Variants in CACNG4 observed in about 807,000 individuals in gnomAD.
CACNG4 encodes the protein calcium voltage-gated channel auxiliary subunit gamma 4.
Under a neutral mutation model 22.9 loss-of-function variants are expected in CACNG4, and 8 were observed. The ratio of observed to expected loss-of-function variants is 0.35; its 90% CI spans 0.21 to 0.63. CACNG4 has a LOEUF of 0.63. CACNG4 is among the 30% of genes least tolerant of loss of function. The pLI is 0.72. For missense variants in CACNG4, 357 were observed against 455.4 expected (o/e 0.78, Z 1.97); for synonymous variants, 188 against 191.9 (o/e 0.98, Z 0.17).
At position 67,032,148 on chromosome 17, in the gene CACNG4, C is replaced by T. The variant is rs551100972; in HGVS notation, c.*1144C>T. On this transcript the variant is annotated 3_prime_UTR_variant, in exon 4 of 4. Coordinates refer to ENST00000262138, the MANE Select transcript of CACNG4 (RefSeq NM_014405.4). Reference sequence around the variant, plus strand: ...GTTATTCTGCCACCACCTAACAGGACGGAGTGGAGTGAGTTTGGATAAACG... The same window carrying T: ...GTTATTCTGCCACCACCTAACAGGATGGAGTGGAGTGAGTTTGGATAAACG... The T allele has an allele frequency of 6.3e-5, 24 of 379,778 alleles. No individual in the cohort carries two copies. The highest frequency in any genetic ancestry group is 2.9e-4 in the East Asian group (4 of 13,958). The allele number at this position is 379,778 out of a possible 1,614,324, so 23.5% of individuals were successfully genotyped here.
At chr17:66,989,936 G>T (rs1229937797) in intron 1 of CACNG4, among the ~76,000 whole-genome samples, 1 of 152,108 alleles carries the variant, frequency 6.6e-6, no homozygotes, top group Non-Finnish European at 1.5e-5. Context: ...AGGCTGGACT[G>T]GGGTCCTGAA....
chr17:66,979,151 T>A (rs1387409609), intron 1 of CACNG4, among the ~76,000 whole-genome samples: 1 of 152,230 alleles, frequency 6.6e-6, no homozygotes, highest in East Asian at 1.9e-4. Context: ...TGTGTGAGCA[T>A]CCTCTGCAAC....
chr17:66,986,678 A>G (rs1179983359), intron 1 of CACNG4, among the ~76,000 whole-genome samples: 2 of 152,162 alleles, frequency 1.3e-5, no homozygotes, highest in East Asian at 1.9e-4. Context: ...ACTATCTCCA[A>G]TTTACAGAGA....
At chr17:67,009,857 G>T (rs112059534) in intron 1 of CACNG4, among the ~76,000 whole-genome samples, 3 of 152,242 alleles carry the variant, frequency 2.0e-5, no homozygotes, top group African/African-American at 7.2e-5. Context: ...TCACCTCAGG[G>T]TTAGGAGTTC....
chr17:66,981,578 C>T (rs939560996), intron 1 of CACNG4, among the ~76,000 whole-genome samples: 2 of 152,174 alleles, frequency 1.3e-5, no homozygotes, highest in East Asian at 1.9e-4. Flanking sequence ...GTGCTGGGGC[C>T]GAGAGAACCA....
intron 1 of CACNG4, among the ~76,000 whole-genome samples, chr17:67,009,134 C>A (rs2035453776): frequency 6.6e-6 from 1 of 152,104 alleles, no homozygotes; most frequent in South Asian, 2.1e-4. Context: ...ACACCAGAAG[C>A]AAGGCAGAGT....
chr17:67,028,275 C>T (rs1173734025), intron 3 of CACNG4, among the ~76,000 whole-genome samples: 2 of 151,720 alleles, frequency 1.3e-5, no homozygotes, highest in Non-Finnish European at 2.9e-5. Context: ...CGCAATGGGC[C>T]GGGCACGGTG....
chr17:66,996,563 TAG>T (rs1236854394), intron 1 of CACNG4, among the ~76,000 whole-genome samples: 1 of 151,934 alleles, frequency 6.6e-6, no homozygotes, highest in Non-Finnish European at 1.5e-5. Flanking sequence ...TATTTTTTGG[TAG>T]AGACAGGGTT....
chr17:67,023,006 C>T (rs924621933), intron 2 of CACNG4, among the ~76,000 whole-genome samples: 5 of 152,180 alleles, frequency 3.3e-5, no homozygotes, highest in South Asian at 2.1e-4. Flanking sequence ...GCCAGAAGCC[C>T]GAAGTCAAGG....
In CACNG4 at chr17:67,031,115, G is replaced by A; in HGVS notation, c.*111G>A. ...GAACAATGAACTAAAGCCAAATGCAGCCCTCCCTGGCCTCCAGAGGTGGCG... is the reference window on the plus strand; with the variant it reads ...GAACAATGAACTAAAGCCAAATGCAACCCTCCCTGGCCTCCAGAGGTGGCG... On this transcript the variant is annotated 3_prime_UTR_variant, in exon 4 of 4. Coordinates refer to ENST00000262138, the MANE Select transcript of CACNG4 (RefSeq NM_014405.4). This position sits in a 1 kb window ranked among gnomAD's most constrained non-coding sequence, Gnocchi z 4.0. 2 of 1,188,800 alleles carry A rather than the reference G, an allele frequency of 1.7e-6. No homozygotes were observed. The highest frequency in any genetic ancestry group is 2.4e-6 in the Non-Finnish European group (2 of 844,654). The allele number at this position is 1,188,800 out of a possible 1,614,324, so 73.6% of individuals were successfully genotyped here.
intron 1 of CACNG4, among the ~76,000 whole-genome samples, chr17:66,979,612 T>G (rs2035258885): frequency 6.6e-6 from 1 of 152,152 alleles, no homozygotes; most frequent in Non-Finnish European, 1.5e-5. Context: ...CCTTCTTCTT[T>G]CGAACTTCTG....
chr17:67,005,225 A>G (rs2035430758), intron 1 of CACNG4, among the ~76,000 whole-genome samples: 1 of 152,184 alleles, frequency 6.6e-6, no homozygotes, highest in South Asian at 2.1e-4. Context: ...TACACTTCCA[A>G]GAGAACCTCT....
At chr17:66,980,344 A>T (rs2035264108) in intron 1 of CACNG4, among the ~76,000 whole-genome samples, 2 of 152,220 alleles carry the variant, frequency 1.3e-5, no homozygotes, top group South Asian at 4.1e-4. Context: ...AACCTTTATC[A>T]CATGTGTAAA....
intron 1 of CACNG4, among the ~76,000 whole-genome samples, chr17:66,975,550 C>T (rs923599880): frequency 2.0e-5 from 3 of 152,196 alleles, no homozygotes. Flanking sequence ...GAAAATACCC[C>T]TTCTCGTGCC....
chr17:67,024,914 TG>T lies in CACNG4; in HGVS notation c.362del (p.Gly121ValfsTer83). 6.2e-7 allele frequency: 1 copy of T among 1,606,118 alleles called. No homozygotes were observed. ...ATCCTCAGCACCATCCTGCTCCTGC[TG>T]GGTGGCCTGTGCATCGGTGCTGGCA... Reference protein sequence around the residue: ...FPILSTILLLLGGLCIGAGRI... With the variant: ...FPILSTILLLXGGLCIGAGRI... On this transcript the variant is annotated frameshift_variant, in exon 3 of 4. Transcript: ENST00000262138. LOFTEE classifies it high-confidence loss of function.
At chr17:66,968,113 G>A (rs2035181524) in intron 1 of CACNG4, among the ~76,000 whole-genome samples, 2 of 152,146 alleles carry the variant, frequency 1.3e-5, no homozygotes, top group Non-Finnish European at 2.9e-5. Flanking sequence ...GAGCCAGGGA[G>A]GTGCAGAGAG....
At chr17:67,025,136 T>A in intron 3 of CACNG4, 136 bp downstream of exon 3, 1 of 808,280 alleles carries the variant, frequency 1.2e-6, no homozygotes, top group African/African-American at 1.8e-5. Context: ...GCAACTGACT[T>A]GTAAAGTCCC....
chr17:67,020,877 GGGTTCATGAGA>G (rs1222434465), intron 2 of CACNG4, among the ~76,000 whole-genome samples: 1 of 152,174 alleles, frequency 6.6e-6, no homozygotes, highest in Non-Finnish European at 1.5e-5. Context: ...CAAGAAGTGA[GGGTTCATGAGA>G]GTTCGTTTAT....
Position 66,974,592 on chromosome 17 carries a change from C to T in CACNG4, c.220+9461C>T, listed in dbSNP as rs564794467. On this transcript the variant is annotated intron_variant, in intron 1 of 3. Coordinates refer to ENST00000262138, the MANE Select transcript of CACNG4 (RefSeq NM_014405.4). Reference sequence around the variant, plus strand: ...CCAGCACATATCTATGGATGCCCCCCGCGCAGAGTGCTCGTTAGGGTACCT... The same window carrying T: ...CCAGCACATATCTATGGATGCCCCCTGCGCAGAGTGCTCGTTAGGGTACCT... Among the ~76,000 whole-genome samples, 7 of 152,252 alleles carry T rather than the reference C, an allele frequency of 4.6e-5. No individual in the cohort carries two copies. In the South Asian group the frequency reaches 6.2e-4, roughly 14 times the overall value.
Sources: allele counts gnomAD v4.1 joint callset (sites outside exome capture counted in the v4.1 genomes callset), GRCh38; gene constraint gnomAD v4.1.1; non-coding constraint Gnocchi (gnomAD v3.1); transcripts MANE v1.5; gene names NCBI Gene and HGNC (gene_info 2026-07-23, HGNC 2026-07-21).